The following PPM1H variants were observed in gnomAD, a reference collection of about 807,000 sequenced individuals.
PPM1H encodes protein phosphatase, Mg2+/Mn2+ dependent 1H.
Under a neutral mutation model 54.9 loss-of-function variants are expected in PPM1H, and 27 were observed. The observed-to-expected ratio is 0.49, with a 90% confidence interval of 0.36 to 0.68. The LOEUF is 0.68. Ranked by LOEUF, PPM1H falls within the 30% of genes least tolerant of loss-of-function variation. The pLI, the probability that PPM1H is intolerant of heterozygous loss-of-function variation, is 0.00. For synonymous variants in PPM1H, 305 were observed against 270.8 expected (o/e 1.13, Z -1.24); for missense variants, 596 against 667.8 (o/e 0.89, Z 1.19).
intron 9 of PPM1H, among the ~76,000 whole-genome samples, chr12:62,662,168 G>A (rs11174593): frequency 0.37 from 56,885 of 151,978 alleles, 10,852 homozygotes; most frequent in South Asian, 0.48. Context: ...CACTCTGGAG[G>A]AAGGCTGGTA....
At chr12:62,727,637 A>ATACTATTATTAT (rs1555192229) in intron 5 of PPM1H, among the ~76,000 whole-genome samples, 1 of 139,814 alleles carries the variant, frequency 7.2e-6, no homozygotes, top group South Asian at 2.4e-4. Flanking sequence ...TAAAATGCAA[A>ATACTATTATTAT]TATTATTATT....
At chr12:62,835,828 CA>C (rs780498162) in intron 1 of PPM1H, among the ~76,000 whole-genome samples, 8 of 152,200 alleles carry the variant, frequency 5.3e-5, no homozygotes, top group Non-Finnish European at 1.0e-4. Context: ...TTCTCAATCT[CA>C]TTTGGCTCTA....
intron 1 of PPM1H, among the ~76,000 whole-genome samples, chr12:62,884,501 CAAAAAA>C (rs6144736): frequency 3.3e-5 from 3 of 89,998 alleles, no homozygotes; most frequent in Non-Finnish European, 4.6e-5. Context: ...AACTCCATAT[CAAAAAA>C]AAAAAAAAAA....
At chr12:62,925,622 T>G (rs2121179111) in intron 1 of PPM1H, among the ~76,000 whole-genome samples, 1 of 152,314 alleles carries the variant, frequency 6.6e-6, no homozygotes, top group South Asian at 2.1e-4. Flanking sequence ...AGCTCTGGTG[T>G]GTCATGCTAG....
intron 8 of PPM1H, among the ~76,000 whole-genome samples, chr12:62,684,476 C>T (rs958354898): frequency 6.6e-6 from 1 of 151,932 alleles, no homozygotes; most frequent in Non-Finnish European, 1.5e-5. Context: ...TTTTTTTTAA[C>T]ATAAATTTGA....
intron 9 of PPM1H, among the ~76,000 whole-genome samples, 161 bp from the exon 10 acceptor site, chr12:62,648,797 G>A (rs1347864126): frequency 1.3e-5 from 2 of 152,208 alleles, no homozygotes; most frequent in South Asian, 4.1e-4. Context: ...CAAAATGTAG[G>A]ACACCTAATG....
At chr12:62,917,213 T>C (rs1871652479) in intron 1 of PPM1H, among the ~76,000 whole-genome samples, 1 of 152,254 alleles carries the variant, frequency 6.6e-6, no homozygotes, top group Admixed American at 6.5e-5. Flanking sequence ...TTACATCAAG[T>C]GCAGCTGCTT....
chr12:62,657,677 T>C (rs1243672709), intron 9 of PPM1H, among the ~76,000 whole-genome samples: 1 of 152,204 alleles, frequency 6.6e-6, no homozygotes, highest in African/African-American at 2.4e-5. Flanking sequence ...CCTTATGGCA[T>C]GCAAGAAATT....
intron 4 of PPM1H, among the ~76,000 whole-genome samples, chr12:62,771,300 ACAC>A (rs2076578579): frequency 1.1e-5 from 1 of 91,132 alleles, no homozygotes; most frequent in African/African-American, 5.3e-5. Flanking sequence ...GTGAAGACAC[ACAC>A]ACACACACAC....
intron 2 of PPM1H, among the ~76,000 whole-genome samples, chr12:62,824,146 C>T (rs1359861532): frequency 6.6e-6 from 1 of 151,978 alleles, no homozygotes; most frequent in Non-Finnish European, 1.5e-5. Flanking sequence ...AACTCCCATT[C>T]ACAATTGCTA....
intron 9 of PPM1H, among the ~76,000 whole-genome samples, chr12:62,657,307 G>A (rs757114634): frequency 1.3e-5 from 2 of 152,174 alleles, no homozygotes; most frequent in Non-Finnish European, 2.9e-5. Flanking sequence ...ATTTCAATAC[G>A]AGGGGGCATA....
At chr12:62,762,394 A>G (rs945788123) in intron 4 of PPM1H, among the ~76,000 whole-genome samples, 1 of 152,250 alleles carries the variant, frequency 6.6e-6, no homozygotes, top group African/African-American at 2.4e-5. Flanking sequence ...GCCACAGAGC[A>G]GGACAGGAAA....
chr12:62,720,115 G>T, intron 6 of PPM1H, 56 bp downstream of exon 6: 1 of 1,415,880 alleles, frequency 7.1e-7, no homozygotes, highest in Non-Finnish European at 1.0e-6. Flanking sequence ...TTATGGTGGT[G>T]ATGCTTCCTT....
intron 2 of PPM1H, among the ~76,000 whole-genome samples, chr12:62,812,454 T>C (rs903802379): frequency 6.6e-6 from 1 of 152,222 alleles, no homozygotes; most frequent in Non-Finnish European, 1.5e-5. Flanking sequence ...ACTTACCATA[T>C]AATTCAATTT....
At chr12:62,927,153 A>T (rs1235842705) in intron 1 of PPM1H, among the ~76,000 whole-genome samples, 7 of 152,244 alleles carry the variant, frequency 4.6e-5, no homozygotes, top group Admixed American at 4.6e-4. Context: ...GTGAATTGAT[A>T]CAACCAATCT....
chr12:62,793,899 A>G (rs2076716030), intron 3 of PPM1H, among the ~76,000 whole-genome samples: 1 of 152,142 alleles, frequency 6.6e-6, no homozygotes, highest in Non-Finnish European at 1.5e-5. Context: ...TTTGTTTCCT[A>G]CCAATTTCAG....
chr12:62,828,506 G>A (rs537966534), intron 2 of PPM1H, among the ~76,000 whole-genome samples: 50 of 152,166 alleles, frequency 3.3e-4, no homozygotes, highest in Admixed American at 2.9e-3. Flanking sequence ...TAACTACCCC[G>A]GCACCCTCAG....
intron 6 of PPM1H, among the ~76,000 whole-genome samples, chr12:62,704,351 C>T (rs997856520): frequency 2.0e-5 from 3 of 152,110 alleles, no homozygotes; most frequent in Non-Finnish European, 4.4e-5. Context: ...CATTGTATAG[C>T]AGGCTTTAAG....
rs75058907 is a variant in PPM1H at position 62,901,365 on chromosome 12, A to G, written c.245+33127T>C. Among the ~76,000 whole-genome samples the G allele has an allele frequency of 7.9e-3, 1,202 of 152,316 alleles. 18 individuals carry two copies. Among genetic ancestry groups the G allele is most frequent in the African/African-American group, 0.027 (1,122 of 41,568 alleles). The stretch of plus-strand genomic sequence containing the variant: ...CTTGAATTGGAGGAAAAGATTGAAT[A>G]TCATTAATAATGGAACTTACTGTCT... On this transcript the variant is annotated intron_variant, in intron 1 of 9. Transcript: ENST00000228705.
Sources: gnomAD v4.1 joint callset for allele counts (sites outside exome capture counted in the v4.1 genomes callset) on GRCh38, gnomAD v4.1.1 for gene constraint, MANE v1.5 for transcripts, NCBI Gene and HGNC (gene_info 2026-07-23, HGNC 2026-07-21) for gene names.